Variants in HSPB8 observed in about 807,000 individuals in gnomAD.
HSPB8 encodes the protein heat shock protein family B (small) member 8, also known as heat shock protein beta-8.
Under a neutral mutation model 16.5 loss-of-function variants are expected in HSPB8, and 9 were observed. That is an observed-to-expected ratio of 0.55 (90% confidence interval 0.33 to 0.95). The LOEUF (loss-of-function observed/expected upper bound fraction) is 0.95. Ranked by LOEUF, HSPB8 falls within the 40% of genes least tolerant of loss-of-function variation. The probability of loss-of-function intolerance (pLI) is 0.03; values close to 1 mark genes in which losing one functional copy is unlikely to be tolerated. For missense variants in HSPB8, 238 were observed against 251.2 expected, an observed-to-expected ratio of 0.95 and a Z score of 0.35; for synonymous variants, 99 against 94.8, an observed-to-expected ratio of 1.04 and a Z score of -0.26.
intron 1 of HSPB8, 46 bp from the exon 2 acceptor site, chr12:119,186,979 C>A: frequency 1.3e-6 from 2 of 1,585,620 alleles, no homozygotes; most frequent in East Asian, 4.5e-5. Context: ...CTGAAGGATG[C>A]CCAAGGAACA....
rs1173768571 is a variant in HSPB8, at chr12:119,194,080, T to C, written c.*222T>C. On this transcript the variant is annotated 3_prime_UTR_variant, in exon 3 of 3. Coordinates refer to ENST00000281938, the MANE Select transcript of HSPB8 (RefSeq NM_014365.3). ...TGGTTGTGTTAGGCCAAAATACTAG[T>C]TTTGCTTTCTTTACCTTTTCTATCT... 6.8e-6 allele frequency: 4 copies of C among 591,316 alleles called. No individual in the cohort carries two copies. The highest frequency in any genetic ancestry group is 1.2e-5 in the Non-Finnish European group (4 of 330,864). 36.6% of individuals were successfully genotyped at this position (591,316 alleles called of 1,614,324 possible). A position where few individuals can be genotyped will look rare whatever the true frequency, so the allele number is the denominator to read the frequency against.
At chr12:119,188,203 C>G (rs963068582) in intron 2 of HSPB8, among the ~76,000 whole-genome samples, 2 of 151,730 alleles carry the variant, frequency 1.3e-5, no homozygotes, top group African/African-American at 4.8e-5. Context: ...CGTCACTCCA[C>G]TATGTGCGTT....
Position 119,178,986 on chromosome 12 carries a change from T to C in HSPB8, c.-327T>C. ...GTTTATTAAGCTCCTGGCTCCGCTC[T>C]AGACCTCAGCGGTTCTGGCTGCCAG... On this transcript the variant is annotated 5_prime_UTR_variant, in exon 1 of 3. Coordinates refer to ENST00000281938, the MANE Select transcript of HSPB8 (RefSeq NM_014365.3). 4.4e-6 allele frequency: 2 copies of C among 456,916 alleles called. No homozygotes were observed. The highest frequency in any genetic ancestry group is 4.2e-5 in the South Asian group (2 of 47,094). The allele number at this position is 456,916 out of a possible 1,614,324, so 28.3% of individuals were successfully genotyped here. A position where few individuals can be genotyped will look rare whatever the true frequency, so the allele number is the denominator to read the frequency against.
In HSPB8 at chr12:119,193,808, A is replaced by T. The variant is rs760688825; in HGVS notation, c.541A>T (p.Ser181Cys). 2.0e-5 allele frequency: 33 copies of T among 1,614,196 alleles called. No homozygotes were observed. The highest frequency in any genetic ancestry group is 2.8e-5 in the Non-Finnish European group (33 of 1,180,038). ...TCCTTACTCAACATTTGGAGAGAGC[A>T]GTTTCAACAACGAGCTTCCCCAGGA... ...VPPYSTFGES[S>C]FNNELPQDSQ... is the part of the protein sequence containing the mutation. Residue 181 changes from serine to cysteine, a missense_variant, in exon 3 of 3, where the codon AGT (serine) becomes TGT (cysteine). By Grantham distance (112) the Ser-to-Cys change is moderately radical (BLOSUM62 -1). Transcript: ENST00000281938.
rs1383560913 is a variant in HSPB8 at position 119,179,324 on chromosome 12, T to G, written c.12T>G (p.Gly4=). MAD[G]QMPFSCHYPS... ...GCTGAGCAGCCACCATGGCTGACGG[T>G]CAGATGCCCTTCTCCTGCCACTACC... Residue 4 remains glycine (G), a synonymous_variant, in exon 1 of 3, where the codon GGT becomes GGG. Transcript: ENST00000281938. 6.2e-7 allele frequency: 1 copy of G among 1,613,810 alleles called. No homozygotes were observed. Among genetic ancestry groups the G allele is most frequent in the Non-Finnish European group, 8.5e-7 (1 of 1,180,020 alleles).
In HSPB8 at chr12:119,179,369, C is replaced by T. The variant is rs1954620202; in HGVS notation, c.57C>T (p.Asp19=). Residue 19 remains aspartate (D), a synonymous_variant, in exon 1 of 3, where the codon GAC becomes GAT. Coordinates refer to ENST00000281938, the MANE Select transcript of HSPB8 (RefSeq NM_014365.3). ...ACTACCCAAGCCGCCTGCGCCGAGA[C>T]CCCTTCCGGGACTCTCCCCTCTCCT... ...SCHYPSRLRR[D]PFRDSPLSSR... is the part of the protein sequence containing the mutation. 6.2e-7 allele frequency: 1 copy of T among 1,614,148 alleles called. No homozygotes were observed. Among genetic ancestry groups the T allele is most frequent in the Non-Finnish European group, 8.5e-7 (1 of 1,180,022 alleles).
At position 119,179,247 on chromosome 12, in the gene HSPB8, G is replaced by T; in HGVS notation, c.-66G>T. On this transcript the variant is annotated 5_prime_UTR_variant, in exon 1 of 3. Transcript: ENST00000281938. ...GCTAGCCCAGCCACACCACCTTGTT[G>T]TGTGACCTTGGGCAGGTGGTTCTGT... The T allele has an allele frequency of 1.3e-6, 2 of 1,534,258 alleles. No individual in the cohort carries two copies. Among genetic ancestry groups the T allele is most frequent in the South Asian group, 1.1e-5 (1 of 89,618 alleles).
At position 119,193,894 on chromosome 12, in the gene HSPB8, A is replaced by G. The variant is rs1210029790; in HGVS notation, c.*36A>G. ...CTGGCCCATCCTTGTTTTGTCCCCA[A>G]CCCTAGGGCTTCTCTGATTCCAGGA... On this transcript the variant is annotated 3_prime_UTR_variant, in exon 3 of 3. Coordinates refer to ENST00000281938, the MANE Select transcript of HSPB8 (RefSeq NM_014365.3). The G allele has an allele frequency of 7.5e-6, 12 of 1,607,602 alleles. No homozygotes were observed. Among genetic ancestry groups the G allele is most frequent in the Non-Finnish European group, 1.0e-5 (12 of 1,174,604 alleles).
At chr12:119,179,973 A>G (rs868498075) in intron 1 of HSPB8, among the ~76,000 whole-genome samples, 26 of 152,364 alleles carry the variant, frequency 1.7e-4, no homozygotes, top group Middle Eastern at 6.8e-3. Flanking sequence ...GGCATTTAAT[A>G]TAAAGAATAG....
chr12:119,189,087 T>C (rs1954694790), intron 2 of HSPB8, among the ~76,000 whole-genome samples: 1 of 152,184 alleles, frequency 6.6e-6, no homozygotes, highest in African/African-American at 2.4e-5. Context: ...AACCATTTGT[T>C]CTTCGTGTTT....
chr12:119,181,828 G>A (rs1433876762), intron 1 of HSPB8, among the ~76,000 whole-genome samples: 1 of 152,158 alleles, frequency 6.6e-6, no homozygotes, highest in Non-Finnish European at 1.5e-5. Context: ...TCCTGTAAGG[G>A]TGTAGGAAAG....
chr12:119,180,463 T>A (rs1342623031), intron 1 of HSPB8, among the ~76,000 whole-genome samples: 1 of 152,090 alleles, frequency 6.6e-6, no homozygotes, highest in Admixed American at 6.6e-5. Flanking sequence ...TCCAAAATCA[T>A]CCTCAGTCCA....
chr12:119,185,403 G>A lies in HSPB8; in HGVS notation c.368-1622G>A, dbSNP rs146260792. Among the ~76,000 whole-genome samples the A allele has an allele frequency of 8.3e-3, 1,266 of 152,046 alleles. 8 individuals are homozygous for A. Among genetic ancestry groups the A allele is most frequent in the Non-Finnish European group, 0.014 (950 of 67,990 alleles). ...GGCTGGAGCGCAGTGGCGCGATCTC[G>A]CCTCACTGCAACCTCTGCCTCCCGG... is the stretch of plus-strand genomic sequence containing the variant. On this transcript the variant is annotated intron_variant, in intron 1 of 2. Transcript: ENST00000281938.
intron 1 of HSPB8, among the ~76,000 whole-genome samples, chr12:119,181,201 G>T (rs766821161): frequency 6.6e-6 from 1 of 152,188 alleles, no homozygotes; most frequent in Non-Finnish European, 1.5e-5. Flanking sequence ...TGCCGAGGTT[G>T]AGGACACTCC....
chr12:119,185,245 C>A (rs1371794679), intron 1 of HSPB8, among the ~76,000 whole-genome samples: 1 of 151,634 alleles, frequency 6.6e-6, no homozygotes, highest in Non-Finnish European at 1.5e-5. Flanking sequence ...ACCTCAAACT[C>A]CTGGGCTCAA....
rs56215582 is a variant in HSPB8 at position 119,179,685 on chromosome 12, T to C, written c.367+6T>C. On this transcript the variant is annotated splice_donor_region_variant and intron_variant, in intron 1 of 2. Transcript: ENST00000281938. ...TGGATACGTGGAGGTGTCTGGTAAG[T>C]CAGGGGCAGGAGGGAGAGAGAATGG... 6 of 1,570,866 alleles carry C rather than the reference T, an allele frequency of 3.8e-6. No individual in the cohort carries two copies. In the East Asian group the frequency reaches 1.3e-4, roughly 35 times the overall value.
intron 2 of HSPB8, among the ~76,000 whole-genome samples, chr12:119,187,407 T>G (rs182328109): frequency 6.6e-6 from 1 of 152,232 alleles, no homozygotes; most frequent in East Asian, 1.9e-4. Context: ...CAGTCTGGAG[T>G]GCAGCGGTGT....
intron 1 of HSPB8, among the ~76,000 whole-genome samples, chr12:119,185,507 T>C (rs1373383947): frequency 6.6e-6 from 1 of 152,150 alleles, no homozygotes; most frequent in Non-Finnish European, 1.5e-5. Context: ...CTAATTTTTG[T>C]ATTTTTAGTA....
At chr12:119,185,386 C>T (rs1236238030) in intron 1 of HSPB8, among the ~76,000 whole-genome samples, 1 of 151,902 alleles carries the variant, frequency 6.6e-6, no homozygotes, top group Non-Finnish European at 1.5e-5. Flanking sequence ...TGGGCTGGAG[C>T]GCAGTGGCGC....
Sources: allele counts gnomAD v4.1 joint callset (sites outside exome capture counted in the v4.1 genomes callset), GRCh38; gene constraint gnomAD v4.1.1; transcripts MANE v1.5; gene names NCBI Gene and HGNC (gene_info 2026-07-23, HGNC 2026-07-21).